CACNB2: variants seen among roughly 807,000 people sequenced by gnomAD.
The protein encoded by CACNB2 is voltage-dependent L-type calcium channel subunit beta-2.
CACNB2 carries 42 observed loss-of-function variants against 73.3 expected under a neutral mutation model. The observed-to-expected ratio is 0.57, with a 90% confidence interval of 0.45 to 0.74. The LOEUF (loss-of-function observed/expected upper bound fraction) is 0.74. Among genes scored for constraint, CACNB2 ranks in the 30% least tolerant of loss-of-function variants. The pLI, the probability that CACNB2 is intolerant of heterozygous loss-of-function variation, is 0.00. For synonymous variants in CACNB2, 348 were observed against 310.3 expected (o/e 1.12, Z -1.28); for missense variants, 940 against 853.0 (o/e 1.10, Z -1.27).
At chr10:18,310,001 C>A (rs1401650631) in intron 2 of CACNB2, among the ~76,000 whole-genome samples, 1 of 152,104 alleles carries the variant, frequency 6.6e-6, no homozygotes, top group Non-Finnish European at 1.5e-5. Context: ...CATCAGAGGA[C>A]TTAATTTATA....
chr10:18,353,178 G>A (rs112819895), intron 2 of CACNB2, among the ~76,000 whole-genome samples: 1 of 152,116 alleles, frequency 6.6e-6, no homozygotes, highest in African/African-American at 2.4e-5. Context: ...TTGGGAGGCC[G>A]AGGCAGGTGG....
At chr10:18,143,784 A>G (rs185625365) in intron 1 of CACNB2, among the ~76,000 whole-genome samples, 1 of 152,318 alleles carries the variant, frequency 6.6e-6, no homozygotes, top group Non-Finnish European at 1.5e-5. Flanking sequence ...ACTCAGAATT[A>G]TTGGGCAGTT....
At chr10:18,227,929 A>G (rs2036061455) in intron 2 of CACNB2, among the ~76,000 whole-genome samples, 1 of 152,190 alleles carries the variant, frequency 6.6e-6, no homozygotes. Context: ...CCAACATCAT[A>G]AATTTGATGA....
At chr10:18,341,790 G>A (rs1484634731) in intron 2 of CACNB2, among the ~76,000 whole-genome samples, 1 of 152,056 alleles carries the variant, frequency 6.6e-6, no homozygotes, top group Non-Finnish European at 1.5e-5. Flanking sequence ...AGAAAAAAAT[G>A]CTTGCTAGGA....
chr10:18,388,441 G>C (rs928767849), intron 2 of CACNB2, among the ~76,000 whole-genome samples: 1 of 152,130 alleles, frequency 6.6e-6, no homozygotes, highest in Non-Finnish European at 1.5e-5. Context: ...TGCTGCTTAA[G>C]GGATACATTA....
At chr10:18,291,255 A>G (rs535788859) in intron 2 of CACNB2, among the ~76,000 whole-genome samples, 1 of 152,212 alleles carries the variant, frequency 6.6e-6, no homozygotes, top group Non-Finnish European at 1.5e-5. Context: ...CAGCTAATCT[A>G]CAAGAGCTCC....
chr10:18,509,488 TAACACCAA>T (rs2050655969), intron 6 of CACNB2, among the ~76,000 whole-genome samples: 1 of 152,044 alleles, frequency 6.6e-6, no homozygotes, highest in African/African-American at 2.4e-5. Flanking sequence ...CCCAAACCTT[TAACACCAA>T]AACTTAAATT....
intron 13 of CACNB2, among the ~76,000 whole-genome samples, 170 bp downstream of exon 13, chr10:18,538,535 A>G (rs2053834044): frequency 6.6e-6 from 1 of 152,172 alleles, no homozygotes; most frequent in Admixed American, 6.5e-5. Context: ...GAAAAGCACC[A>G]TCAACAGAAT....
Position 18,363,842 on chromosome 10 carries a change from T to A in CACNB2, c.214-38082T>A, listed in dbSNP as rs527776031. Among the ~76,000 whole-genome samples the A allele has an allele frequency of 2.8e-3, 423 of 152,096 alleles. 1 individual carries two copies. The highest frequency in any genetic ancestry group is 3.7e-3 in the Non-Finnish European group (253 of 67,994). ...CAAATAGGTTTGGTTTAAAAACAGATCATTTTGGATAAGTGCATTCTATAT... is the reference window on the plus strand; with the variant it reads ...CAAATAGGTTTGGTTTAAAAACAGAACATTTTGGATAAGTGCATTCTATAT... On this transcript the variant is annotated intron_variant, in intron 2 of 13. Coordinates refer to ENST00000324631, the MANE Select transcript of CACNB2 (RefSeq NM_201596.3).
chr10:18,239,235 A>G (rs2036559134), intron 2 of CACNB2, among the ~76,000 whole-genome samples: 1 of 152,184 alleles, frequency 6.6e-6, no homozygotes, highest in Non-Finnish European at 1.5e-5. Context: ...GTAGTGGGCA[A>G]GTCTAGGCTT....
intron 2 of CACNB2, among the ~76,000 whole-genome samples, chr10:18,326,974 C>A (rs759199938): frequency 6.6e-6 from 1 of 152,116 alleles, no homozygotes. Context: ...AGTGATCCGC[C>A]CACCTCAACC....
At chr10:18,274,154 C>T (rs1019376704) in intron 2 of CACNB2, among the ~76,000 whole-genome samples, 1 of 152,010 alleles carries the variant, frequency 6.6e-6, no homozygotes, top group Non-Finnish European at 1.5e-5. Flanking sequence ...TGGCAACTTC[C>T]CTTATATAAG....
chr10:18,358,508 C>G (rs1177355888), intron 2 of CACNB2, among the ~76,000 whole-genome samples: 1 of 51,662 alleles, frequency 1.9e-5, no homozygotes, highest in Non-Finnish European at 4.2e-5. Context: ...CTCTCTCTCT[C>G]TCTCTCTCTC....
chr10:18,307,983 C>G (rs868160000), intron 2 of CACNB2, among the ~76,000 whole-genome samples: 1 of 70,268 alleles, frequency 1.4e-5, no homozygotes, highest in Non-Finnish European at 2.7e-5. Flanking sequence ...TATATGCCAA[C>G]TTTTTTTTTT....
chr10:18,150,880 T>TTTTTTTTTGAA lies in CACNB2; in HGVS notation c.121-3_121-2insTTTTTTTTGAA. ...CTTTTTTTTTTTTTTTTTTTTTTTT[T>TTTTTTTTTGAA]AGTCATATGGAAAAGGAGCCAGAAG... is the stretch of plus-strand genomic sequence containing the variant. On this transcript the variant is annotated splice_polypyrimidine_tract_variant and splice_region_variant and intron_variant, in intron 1 of 13. Coordinates refer to ENST00000324631, the MANE Select transcript of CACNB2 (RefSeq NM_201596.3). The TTTTTTTTTGAA allele has an allele frequency of 7.7e-7, 1 of 1,300,364 alleles. No homozygotes were observed. The highest frequency in any genetic ancestry group is 1.3e-5 in the South Asian group (1 of 74,630). The allele number at this position is 1,300,364 out of a possible 1,614,324, so 80.6% of individuals were successfully genotyped here.
chr10:18,417,210 G>A (rs1178469361), intron 3 of CACNB2, among the ~76,000 whole-genome samples: 1 of 146,788 alleles, frequency 6.8e-6, no homozygotes, highest in East Asian at 2.0e-4. Context: ...ATTTTTTTTT[G>A]CTGTTGAGTC....
intron 2 of CACNB2, among the ~76,000 whole-genome samples, chr10:18,196,865 G>C (rs2034648855): frequency 6.6e-6 from 1 of 152,120 alleles, no homozygotes; most frequent in Non-Finnish European, 1.5e-5. Flanking sequence ...TCAATTACTA[G>C]TCAATTTCCT....
intron 9 of CACNB2, among the ~76,000 whole-genome samples, chr10:18,525,979 A>C (rs549766465): frequency 3.4e-4 from 52 of 152,240 alleles, no homozygotes; most frequent in African/African-American, 1.2e-3. Flanking sequence ...TAATTGTCAT[A>C]ATTGATTTTT....
At chr10:18,415,952 A>T (rs1437781938) in intron 3 of CACNB2, among the ~76,000 whole-genome samples, 1 of 151,874 alleles carries the variant, frequency 6.6e-6, no homozygotes, top group Non-Finnish European at 1.5e-5. Context: ...TATTTGCTCA[A>T]ATTTATGGGG....
Sources: gnomAD v4.1 joint callset for allele counts (sites outside exome capture counted in the v4.1 genomes callset) on GRCh38, gnomAD v4.1.1 for gene constraint, MANE v1.5 for transcripts, NCBI Gene and HGNC (gene_info 2026-07-23, HGNC 2026-07-21) for gene names.